The following ALDH5A1 variants were observed in gnomAD, a reference collection of about 807,000 sequenced individuals.
ALDH5A1 encodes the protein aldehyde dehydrogenase 5 family member A1, also known as succinate-semialdehyde dehydrogenase, mitochondrial.
ALDH5A1 carries 33 observed loss-of-function variants against 54.7 expected under a neutral mutation model. The observed-to-expected ratio is 0.60, with a 90% CI of 0.46 to 0.81. The LOEUF is 0.81. Among genes scored for constraint, ALDH5A1 ranks in the 30% least tolerant of loss-of-function variants. ALDH5A1 has a pLI of 0.00. For missense variants in ALDH5A1, 657 were observed against 711.0 expected (o/e 0.92, Z 0.86); for synonymous variants, 294 against 292.7 (o/e 1.00, Z -0.05).
chr6:24,507,699 T>TTG (rs1759385581), intron 4 of ALDH5A1, among the ~76,000 whole-genome samples: 2 of 152,188 alleles, frequency 1.3e-5, no homozygotes, highest in African/African-American at 2.4e-5. Context: ...TTTTGTCACT[T>TTG]TCTCTTGTAT....
intron 6 of ALDH5A1, among the ~76,000 whole-genome samples, chr6:24,520,864 A>G (rs1434749514): frequency 6.6e-6 from 1 of 152,232 alleles, no homozygotes; most frequent in East Asian, 1.9e-4. Context: ...TCTGAACAGC[A>G]GATGTCCTTT....
At chr6:24,532,271 C>A in intron 9 of ALDH5A1, 94 bp downstream of exon 9, 1 of 1,265,812 alleles carries the variant, frequency 7.9e-7, no homozygotes, top group Non-Finnish European at 1.1e-6. Context: ...GGTTTTGAGA[C>A]AGAAACTTCA....
At chr6:24,516,326 C>G (rs573290122) in intron 5 of ALDH5A1, among the ~76,000 whole-genome samples, 2 of 149,778 alleles carry the variant, frequency 1.3e-5, no homozygotes, top group Non-Finnish European at 3.0e-5. Context: ...GTCCCACCTA[C>G]TTAGGAGGCT....
In ALDH5A1 at chr6:24,504,962, T is replaced by C. The variant is rs747592164; in HGVS notation, c.703T>C (p.Phe235Leu). 6.2e-7 allele frequency: 1 copy of C among 1,614,164 alleles called. No individual in the cohort carries two copies. The highest frequency in any genetic ancestry group is 8.5e-7 in the Non-Finnish European group (1 of 1,180,010). ...GGTGAAGCCTGCCGAAGACACGCCC[T>C]TCTCCGCCCTGGCCCTGGCTGAGGT... ...VVVKPAEDTP[F>L]SALALAELAS... The change falls in exon 4 of 10, where the codon TTC (phenylalanine) becomes CTC (leucine). Residue 235 changes from phenylalanine (F) to leucine (L), a missense_variant. Physicochemically the swap from Phe to Leu is conservative, Grantham distance 22 (BLOSUM62 0). Coordinates refer to ENST00000357578, the MANE Select transcript of ALDH5A1 (RefSeq NM_001080.3).
At chr6:24,513,108 G>A (rs1423731649) in intron 4 of ALDH5A1, among the ~76,000 whole-genome samples, 1 of 151,888 alleles carries the variant, frequency 6.6e-6, no homozygotes, top group Non-Finnish European at 1.5e-5. Flanking sequence ...GACAGAGGCT[G>A]GAGTACTGTG....
Position 24,495,084 on chromosome 6 carries a change from G to A in ALDH5A1, c.88G>A (p.Gly30Ser), listed in dbSNP as rs1171926592. The change falls in exon 1 of 10, where the codon GGC (glycine) becomes AGC (serine). Residue 30 changes from glycine (G) to serine (S), a missense_variant. Around this residue, in one of 2 missense-constraint regions of ALDH5A1, gnomAD observed 232 missense variants for 194.6 expected, o/e 1.19. Transcript: ENST00000357578. ...CTGCCGCCTCCGCCCCCGCGCCGGC[G>A]GCCTGGTCCCTGCCTCCGGGCCTGC... is the stretch of plus-strand genomic sequence containing the variant. ...PGCRLRPRAG[G>S]LVPASGPAPG... The A allele has an allele frequency of 6.8e-6, 9 of 1,320,420 alleles. No homozygotes were observed. Among genetic ancestry groups the A allele is most frequent in the African/African-American group, 1.5e-5 (1 of 65,690 alleles). 81.8% of individuals were successfully genotyped at this position (1,320,420 alleles called of 1,614,324 possible).
chr6:24,513,475 T>C lies in ALDH5A1; in HGVS notation c.727-1692T>C, dbSNP rs540186860. Among the ~76,000 whole-genome samples the C allele has an allele frequency of 4.1e-4, 62 of 152,322 alleles. 1 individual carries two copies. Among genetic ancestry groups the C allele is most frequent in the African/African-American group, 1.3e-3 (55 of 41,580 alleles). ...TTTTGGAAGAAGGCCCAGTTAGGAA[T>C]ATAGCTTCTTTTCCTTCACAGTGTA... On this transcript the variant is annotated intron_variant, in intron 4 of 9. Coordinates refer to ENST00000357578, the MANE Select transcript of ALDH5A1 (RefSeq NM_001080.3).
chr6:24,526,842 CTCTATATATATATAT>C (rs1262264327), intron 7 of ALDH5A1, among the ~76,000 whole-genome samples: 1 of 126,746 alleles, frequency 7.9e-6, no homozygotes, highest in East Asian at 2.0e-4. Context: ...TATATATCTT[CTCTATATATATATAT>C]TCTATATATA....
chr6:24,505,767 G>C (rs866521099), intron 4 of ALDH5A1, among the ~76,000 whole-genome samples: 2 of 151,934 alleles, frequency 1.3e-5, no homozygotes, highest in African/African-American at 2.4e-5. Context: ...TCAGGAGTTC[G>C]AGACCAGCCT....
chr6:24,523,947 A>G (rs1759752333), intron 7 of ALDH5A1, among the ~76,000 whole-genome samples: 2 of 151,970 alleles, frequency 1.3e-5, no homozygotes, highest in Non-Finnish European at 2.9e-5. Flanking sequence ...TGGAGTCACA[A>G]GAAAGTTTCT....
At chr6:24,517,490 T>C (rs1360927477) in intron 5 of ALDH5A1, among the ~76,000 whole-genome samples, 3 of 152,208 alleles carry the variant, frequency 2.0e-5, no homozygotes, top group Non-Finnish European at 4.4e-5. Flanking sequence ...GCAGAAAGAT[T>C]CAAATGTTAC....
At chr6:24,530,654 A>G (rs113893159) in intron 8 of ALDH5A1, among the ~76,000 whole-genome samples, 15 of 152,194 alleles carry the variant, frequency 9.9e-5, no homozygotes, top group African/African-American at 3.4e-4. Flanking sequence ...CTCCACCCCA[A>G]GTATCCTTTC....
At chr6:24,515,493 G>GGCGA in intron 5 of ALDH5A1, among the ~76,000 whole-genome samples, 183 bp downstream of exon 5, 2 of 152,196 alleles carry the variant, frequency 1.3e-5, no homozygotes, top group Non-Finnish European at 2.9e-5. Context: ...GGGATGCTGA[G>GGCGA]GTGGGCAGAT....
chr6:24,514,464 C>G (rs1014925634), intron 4 of ALDH5A1, among the ~76,000 whole-genome samples: 5 of 152,138 alleles, frequency 3.3e-5, no homozygotes, highest in Non-Finnish European at 5.9e-5. Context: ...TCTGGCCAGG[C>G]CCGGTGGCTC....
At chr6:24,532,911 C>T (rs1296083395) in intron 9 of ALDH5A1, among the ~76,000 whole-genome samples, 1 of 152,076 alleles carries the variant, frequency 6.6e-6, no homozygotes, top group Admixed American at 6.6e-5. Context: ...TTGTCTCTTC[C>T]TTCTCGATGG....
At chr6:24,497,242 G>C (rs548334343) in intron 1 of ALDH5A1, among the ~76,000 whole-genome samples, 1 of 152,290 alleles carries the variant, frequency 6.6e-6, no homozygotes, top group South Asian at 2.1e-4. Context: ...CCCTTCCAGT[G>C]TTCCGTTTCT....
chr6:24,513,914 C>T (rs188899399), intron 4 of ALDH5A1, among the ~76,000 whole-genome samples: 1 of 152,048 alleles, frequency 6.6e-6, no homozygotes, highest in Non-Finnish European at 1.5e-5. Flanking sequence ...TGTGGAGATA[C>T]CTTGTTGTAA....
At chr6:24,527,138 A>G (rs1311327521) in intron 7 of ALDH5A1, among the ~76,000 whole-genome samples, 1 of 151,704 alleles carries the variant, frequency 6.6e-6, no homozygotes, top group African/African-American at 2.4e-5. Flanking sequence ...CCGGAAGTGG[A>G]GAAGTGCACT....
At chr6:24,503,962 G>A (rs183448725) in intron 3 of ALDH5A1, among the ~76,000 whole-genome samples, 41 of 152,222 alleles carry the variant, frequency 2.7e-4, no homozygotes, top group African/African-American at 9.4e-4. Flanking sequence ...TTTGTGGAAC[G>A]CCCAGCTTTC....
Sources: allele counts gnomAD v4.1 joint callset (sites outside exome capture counted in the v4.1 genomes callset), GRCh38; gene constraint gnomAD v4.1.1; regional missense constraint gnomAD v4.1.1; transcripts MANE v1.5; gene names NCBI Gene and HGNC (gene_info 2026-07-23, HGNC 2026-07-21).